Variants in SEH1L observed in about 807,000 individuals in gnomAD.
The protein encoded by SEH1L is nucleoporin SEH1.
SEH1L carries 18 observed loss-of-function variants against 49.5 expected under a neutral mutation model. That is an observed-to-expected ratio of 0.36 (90% CI 0.25 to 0.54). The LOEUF (loss-of-function observed/expected upper bound fraction) is 0.54. Among genes scored for constraint, SEH1L ranks in the 20% least tolerant of loss-of-function variants. The pLI, the probability that SEH1L is intolerant of heterozygous loss-of-function variation, is 0.87. For synonymous variants in SEH1L, 169 were observed against 178.1 expected (o/e 0.95, Z 0.41); for missense variants, 404 against 528.8 (o/e 0.76, Z 2.31).
At chr18:12,979,056 A>T (rs1386735281) in intron 6 of SEH1L, among the ~76,000 whole-genome samples, 164 bp downstream of exon 6, 5 of 150,140 alleles carry the variant, frequency 3.3e-5, no homozygotes, top group African/African-American at 9.8e-5. Flanking sequence ...ATGGTCTTTT[A>T]CAGTTACTTT....
intron 8 of SEH1L, chr18:12,984,953 T>C (rs2032407855): frequency 3.4e-6 from 1 of 298,250 alleles, no homozygotes; most frequent in Non-Finnish European, 6.1e-6. Context: ...TTTATATTGT[T>C]ATGTTTTCAT....
intron 1 of SEH1L, among the ~76,000 whole-genome samples, chr18:12,949,441 C>CTTTTTT (rs1568206195): frequency 3.5e-5 from 3 of 85,434 alleles, no homozygotes; most frequent in Admixed American, 1.2e-4. Context: ...CTACGTTAAC[C>CTTTTTT]GTTTTTTTTT....
chr18:12,953,036 C>T lies in SEH1L; in HGVS notation c.162+1131C>T, dbSNP rs953828780. Among the ~76,000 whole-genome samples, 59 of 152,202 alleles carry T rather than the reference C, an allele frequency of 3.9e-4. 2 individuals are homozygous for T. The highest frequency in any genetic ancestry group is 7.3e-5 in the Non-Finnish European group (5 of 68,034). ...ACCTCAAGTGATCCGCCCGCCTTGG[C>T]CTTCCAAAGTGCTGGGATTACAGGC... On this transcript the variant is annotated intron_variant, in intron 2 of 8. Coordinates refer to ENST00000399892, the MANE Select transcript of SEH1L (RefSeq NM_001013437.2).
chr18:12,982,000 C>T (rs914256275), intron 6 of SEH1L, among the ~76,000 whole-genome samples: 2 of 151,856 alleles, frequency 1.3e-5, no homozygotes, highest in African/African-American at 4.8e-5. Context: ...GCTGGGACTA[C>T]AGGCGCCCGC....
intron 5 of SEH1L, 43 bp from the exon 6 acceptor site, chr18:12,978,709 C>G: frequency 6.4e-7 from 1 of 1,558,000 alleles, no homozygotes; most frequent in Non-Finnish European, 8.8e-7. Context: ...GATTTTTGCA[C>G]ATTTTATTTC....
At chr18:12,963,085 G>A in intron 3 of SEH1L, 75 bp from the exon 4 acceptor site, 1 of 1,048,260 alleles carries the variant, frequency 9.5e-7, no homozygotes, top group Non-Finnish European at 1.4e-6. Context: ...TGTGATTCCA[G>A]AGTCTGTGTG....
intron 3 of SEH1L, among the ~76,000 whole-genome samples, chr18:12,962,459 CTT>C (rs3070220): frequency 1.4e-4 from 9 of 63,654 alleles, no homozygotes; most frequent in East Asian, 5.8e-4. Flanking sequence ...GCATGCCTTT[CTT>C]TTTTTTTTTT....
intron 6 of SEH1L, among the ~76,000 whole-genome samples, chr18:12,980,960 C>T (rs1247787889): frequency 2.7e-5 from 4 of 150,624 alleles, no homozygotes; most frequent in Non-Finnish European, 4.4e-5. Context: ...GGCTGCCGGG[C>T]GGAGATGCTC....
In SEH1L at chr18:12,955,672, G is replaced by A. The variant is rs2030809211; in HGVS notation, c.309+63G>A. Reference sequence around the variant, plus strand: ...ATGAGCAGCCAAGGAGCATTCATCCGAAGGCTACCTCAGATAATTGGTAAA... The same window carrying A: ...ATGAGCAGCCAAGGAGCATTCATCCAAAGGCTACCTCAGATAATTGGTAAA... On this transcript the variant is annotated intron_variant, in intron 3 of 8. Coordinates refer to ENST00000399892, the MANE Select transcript of SEH1L (RefSeq NM_001013437.2). The A allele has an allele frequency of 2.1e-5, 33 of 1,538,564 alleles. No individual in the cohort carries two copies. The South Asian group carries it at 2.5e-4, about 12-fold the overall frequency.
At chr18:12,949,634 T>C (rs910394924) in intron 1 of SEH1L, among the ~76,000 whole-genome samples, 1 of 151,620 alleles carries the variant, frequency 6.6e-6, no homozygotes, top group African/African-American at 2.4e-5. Flanking sequence ...TTGTATTTTT[T>C]AGTAGAGACA....
At chr18:12,955,917 C>G (rs577606706) in intron 3 of SEH1L, among the ~76,000 whole-genome samples, 2 of 151,788 alleles carry the variant, frequency 1.3e-5, no homozygotes, top group African/African-American at 4.8e-5. Flanking sequence ...AGTATTCTGG[C>G]TCACTGCAGT....
intron 4 of SEH1L, chr18:12,964,633 C>CTTTT (rs11351617): frequency 3.2e-5 from 3 of 94,704 alleles, no homozygotes; most frequent in Admixed American, 1.2e-4. Flanking sequence ...ACTCCCGTCT[C>CTTTT]TTTTTTTTTT....
At chr18:12,985,600 A>AC (rs2032429638) in intron 8 of SEH1L, 1 of 1,054,230 alleles carries the variant, frequency 9.5e-7, no homozygotes, top group Non-Finnish European at 1.1e-6. Flanking sequence ...GGAGGAGGGG[A>AC]ATACCACTTT....
chr18:12,963,120 T>C, intron 3 of SEH1L, 40 bp from the exon 4 acceptor site: 1 of 1,462,628 alleles, frequency 6.8e-7, no homozygotes. Context: ...CCATGCTTTC[T>C]TTTTGTATAT....
chr18:12,985,133 G>A, intron 8 of SEH1L: 1 of 1,268,532 alleles, frequency 7.9e-7, no homozygotes, highest in South Asian at 1.4e-5. Context: ...ATTTTCTTTT[G>A]TAAATAGCTT....
chr18:12,975,675 G>T (rs2031890308), intron 5 of SEH1L: 4 of 984,498 alleles, frequency 4.1e-6, no homozygotes, highest in Non-Finnish European at 4.8e-6. Flanking sequence ...CTCTATCCTG[G>T]CAGCATTTGG....
chr18:12,977,200 T>G (rs2031962811), intron 5 of SEH1L: 1 of 152,166 alleles, frequency 6.6e-6, no homozygotes, highest in African/African-American at 2.4e-5. Flanking sequence ...GAAAAGAAGG[T>G]CAAGTGAAGA....
chr18:12,957,054 C>T lies in SEH1L; in HGVS notation c.309+1445C>T, dbSNP rs944591874. Among the ~76,000 whole-genome samples the T allele has an allele frequency of 1.2e-4, 17 of 142,456 alleles. No homozygotes were observed. In the East Asian group the frequency reaches 2.6e-3, roughly 22 times the overall value. 93.5% of individuals were successfully genotyped at this position (142,456 alleles called of 152,430 possible). The stretch of plus-strand genomic sequence containing the variant: ...CTGCACTCCAGCCTGGGCGACGGAG[C>T]GAGACTTGTCTCAAAAAAAAAAAAA... On this transcript the variant is annotated intron_variant, in intron 3 of 8. Coordinates refer to ENST00000399892, the MANE Select transcript of SEH1L (RefSeq NM_001013437.2).
chr18:12,981,233 C>T (rs1201294116), intron 6 of SEH1L, among the ~76,000 whole-genome samples: 1 of 151,648 alleles, frequency 6.6e-6, no homozygotes, highest in Non-Finnish European at 1.5e-5. Context: ...GGCAGCCAGG[C>T]AGAGAGGCTC....
Sources: gnomAD v4.1 joint callset for allele counts (sites outside exome capture counted in the v4.1 genomes callset) on GRCh38, gnomAD v4.1.1 for gene constraint, MANE v1.5 for transcripts, NCBI Gene and HGNC (gene_info 2026-07-23, HGNC 2026-07-21) for gene names.